Variants in CCNK observed in about 807,000 individuals in gnomAD.
CCNK encodes cyclin-K.
CCNK carries 9 observed loss-of-function variants against 65.0 expected under a neutral mutation model. The ratio of observed to expected loss-of-function variants is 0.14; its 90% CI spans 0.08 to 0.24. The LOEUF is 0.24. CCNK is among the 10% of genes least tolerant of loss of function. The probability of loss-of-function intolerance (pLI) is 1.00; values close to 1 mark genes in which losing one functional copy is unlikely to be tolerated. For synonymous variants in CCNK, 279 were observed against 270.8 expected (o/e 1.03, Z -0.30); for missense variants, 474 against 720.0 (o/e 0.66, Z 3.91).
At chr14:99,506,644 A>G (rs938303364) in intron 9 of CCNK, 2 of 164,868 alleles carry the variant, frequency 1.2e-5, no homozygotes, top group Admixed American at 1.2e-4. Flanking sequence ...CTAAGAATGA[A>G]AAGATAGAGA....
chr14:99,494,679 A>G (rs886733973), intron 3 of CCNK: 1 of 152,270 alleles, frequency 6.6e-6, no homozygotes, highest in African/African-American at 2.4e-5. Context: ...GGACTGAGCT[A>G]AGGTTGAGGC....
chr14:99,492,422 A>AT (rs1896615191), intron 1 of CCNK: 1 of 392,038 alleles, frequency 2.6e-6, no homozygotes, highest in Non-Finnish European at 4.5e-6. Context: ...CTACCATGAA[A>AT]TTTGAGATTT....
intron 3 of CCNK, chr14:99,493,840 C>T (rs1339164798): frequency 9.2e-6 from 3 of 326,240 alleles, no homozygotes; most frequent in African/African-American, 4.2e-5. Flanking sequence ...AGTTTACTCC[C>T]GTGGTACCTT....
At chr14:99,499,593 C>T (rs538285098) in intron 4 of CCNK, among the ~76,000 whole-genome samples, 25 of 152,310 alleles carry the variant, frequency 1.6e-4, no homozygotes, top group African/African-American at 5.8e-4. Flanking sequence ...GGAATTCTCT[C>T]AAATTGTCCT....
chr14:99,498,637 T>C (rs963540020), intron 4 of CCNK, among the ~76,000 whole-genome samples: 2 of 152,178 alleles, frequency 1.3e-5, no homozygotes, highest in Non-Finnish European at 2.9e-5. Context: ...AGAACAGACA[T>C]GGTCTCTGCT....
At chr14:99,503,364 C>T in intron 8 of CCNK, 4 of 603,356 alleles carry the variant, frequency 6.6e-6, no homozygotes, top group Non-Finnish European at 1.2e-5. Flanking sequence ...TTAGTGTTTA[C>T]TCAGAACTCA....
Position 99,495,602 on chromosome 14 carries a change from A to G in CCNK, c.384A>G (p.Gln128=), listed in dbSNP as rs764283011. The change falls in exon 4 of 11, where the codon CAA becomes CAG. Residue 128 remains glutamine, a synonymous_variant. Coordinates refer to ENST00000389879, the MANE Select transcript of CCNK (RefSeq NM_001099402.2). The part of the protein sequence containing the change: ...KTARSLLNDV[Q]FGQFGDDPKE... ...CTCGTAGTTTATTAAATGATGTACA[A>G]TTTGGCCAGTTTGGAGATGACCCAA... 47 of 1,610,176 alleles carry G rather than the reference A, an allele frequency of 2.9e-5. No individual in the cohort carries two copies. Among genetic ancestry groups the G allele is most frequent in the Non-Finnish European group, 2.4e-5 (28 of 1,178,780 alleles).
intron 1 of CCNK, among the ~76,000 whole-genome samples, chr14:99,485,302 G>A (rs1023919643): frequency 2.0e-5 from 3 of 151,710 alleles, no homozygotes; most frequent in Non-Finnish European, 1.5e-5. Context: ...TCCCTACTGG[G>A]GTATTCCTAA....
At chr14:99,502,050 T>G (rs368963004) in intron 6 of CCNK, 157 bp from the exon 7 acceptor site, 4 of 777,232 alleles carry the variant, frequency 5.1e-6, no homozygotes, top group Non-Finnish European at 7.4e-6. Context: ...CGGGTACCTT[T>G]AGAAGAGTAA....
intron 1 of CCNK, among the ~76,000 whole-genome samples, chr14:99,489,135 A>AT: frequency 6.6e-6 from 1 of 152,010 alleles, no homozygotes; most frequent in Non-Finnish European, 1.5e-5. Context: ...ACATATATAT[A>AT]TATTTTTTTT....
chr14:99,500,943 T>A (rs1896808423), intron 5 of CCNK, 72 bp downstream of exon 5: 2 of 952,456 alleles, frequency 2.1e-6, no homozygotes, highest in Non-Finnish European at 3.2e-6. Context: ...ACACTCAAAT[T>A]ACGCTTCTCA....
chr14:99,505,885 A>C (rs1896960911), intron 9 of CCNK: 1 of 152,292 alleles, frequency 6.6e-6, no homozygotes, highest in African/African-American at 2.4e-5. Flanking sequence ...TGGAAAGTTT[A>C]AAATTGTAGA....
rs200683291 is a variant in CCNK, at chr14:99,510,141, C to A, written c.1118-16C>A. The A allele has an allele frequency of 1.3e-6, 2 of 1,587,044 alleles. No individual in the cohort carries two copies. Among genetic ancestry groups the A allele is most frequent in the African/African-American group, 2.7e-5 (2 of 74,468 alleles). On this transcript the variant is annotated splice_polypyrimidine_tract_variant and intron_variant, in intron 10 of 10. Transcript: ENST00000389879. ...TGCTGGCGGAGGCCGGGCACTGATG[C>A]GTCTCTCTCCTGCAGACCGGAAGCC... is the stretch of plus-strand genomic sequence containing the variant.
At chr14:99,481,550 C>T in intron 1 of CCNK, 71 bp downstream of exon 1, 1 of 398,398 alleles carries the variant, frequency 2.5e-6, no homozygotes, top group Non-Finnish European at 4.4e-6. Context: ...TAGGTTATGG[C>T]CAACCGCCGC....
chr14:99,500,879 G>A lies in CCNK; in HGVS notation c.517+8G>A. On this transcript the variant is annotated splice_region_variant and intron_variant, in intron 5 of 10. Transcript: ENST00000389879. ...ATGCAAAGCAACTCAAAGGTAAGAAGAAAGTTTTCAGAAGAATTTTTTCAT... is the reference window on the plus strand; with the variant it reads ...ATGCAAAGCAACTCAAAGGTAAGAAAAAAGTTTTCAGAAGAATTTTTTCAT... The A allele has an allele frequency of 6.8e-7, 1 of 1,471,990 alleles. No homozygotes were observed. Among genetic ancestry groups the A allele is most frequent in the Non-Finnish European group, 9.2e-7 (1 of 1,086,124 alleles). The allele number at this position is 1,471,990 out of a possible 1,614,324, so 91.2% of individuals were successfully genotyped here.
intron 9 of CCNK, chr14:99,504,053 GC>G: frequency 2.6e-6 from 1 of 379,588 alleles, no homozygotes. Flanking sequence ...CACCAGCCCG[GC>G]CCAGCCCAGC....
rs1896820791 is a variant in CCNK at position 99,501,344 on chromosome 14, C to A, written c.518-12C>A. Reference sequence around the variant, plus strand: ...TATTGCTATTAATTTACCTTTTTGTCCCCATTTCTAGGTGATAAAAACAAA... The same window carrying A: ...TATTGCTATTAATTTACCTTTTTGTACCCATTTCTAGGTGATAAAAACAAA... On this transcript the variant is annotated splice_polypyrimidine_tract_variant and intron_variant, in intron 5 of 10. Transcript: ENST00000389879. 2 of 1,576,902 alleles carry A rather than the reference C, an allele frequency of 1.3e-6. No homozygotes were observed. Among genetic ancestry groups the A allele is most frequent in the East Asian group, 2.2e-5 (1 of 44,716 alleles).
At chr14:99,503,447 G>A (rs1381949843) in intron 8 of CCNK, 164 bp from the exon 9 acceptor site, 6 of 620,810 alleles carry the variant, frequency 9.7e-6, no homozygotes, top group African/African-American at 1.8e-5. Context: ...TGATGATCTG[G>A]TAGGTGCCGT....
chr14:99,482,011 C>T (rs907338533), intron 1 of CCNK, among the ~76,000 whole-genome samples: 1 of 152,190 alleles, frequency 6.6e-6, no homozygotes, highest in Non-Finnish European at 1.5e-5. Context: ...CAGACATCGT[C>T]TTTACGGACC....
Sources: gnomAD v4.1 joint callset for allele counts (sites outside exome capture counted in the v4.1 genomes callset) on GRCh38, gnomAD v4.1.1 for gene constraint, MANE v1.5 for transcripts, NCBI Gene and HGNC (gene_info 2026-07-23, HGNC 2026-07-21) for gene names.